The following APP variants were observed in gnomAD, a reference collection of about 807,000 sequenced individuals.
The protein encoded by APP is amyloid-beta precursor protein.
APP carries 31 observed loss-of-function variants against 101.4 expected under a neutral mutation model. That is an observed-to-expected ratio of 0.31 (90% CI 0.23 to 0.41). The LOEUF is 0.41. Ranked by LOEUF, APP falls within the 10% of genes least tolerant of loss-of-function variation. The pLI is 1.00. For synonymous variants in APP, 366 were observed against 364.4 expected (o/e 1.00, Z -0.05); for missense variants, 839 against 1,003.7 (o/e 0.84, Z 2.22).
intron 1 of APP, among the ~76,000 whole-genome samples, chr21:26,114,659 GGA>G (rs1183168057): frequency 6.6e-6 from 1 of 152,020 alleles, no homozygotes; most frequent in Non-Finnish European, 1.5e-5. Context: ...AAAATACACT[GGA>G]TCACCCTACC....
chr21:25,910,855 A>G (rs1012683868), intron 14 of APP, among the ~76,000 whole-genome samples: 2 of 152,222 alleles, frequency 1.3e-5, no homozygotes, highest in African/African-American at 4.8e-5. Flanking sequence ...ATTTAATTCA[A>G]TCTGAAATTT....
intron 6 of APP, among the ~76,000 whole-genome samples, chr21:26,017,166 T>A (rs1601222305): frequency 8.5e-6 from 1 of 117,946 alleles, no homozygotes; most frequent in Admixed American, 1.2e-4. Flanking sequence ...ACCACTACAC[T>A]CCAGCCTGGG....
intron 17 of APP, among the ~76,000 whole-genome samples, chr21:25,890,808 C>T (rs1044351572): frequency 2.0e-5 from 3 of 151,390 alleles, no homozygotes; most frequent in East Asian, 1.9e-4. Flanking sequence ...CCTTCTGTCT[C>T]GGCCTCAGTT....
intron 17 of APP, among the ~76,000 whole-genome samples, chr21:25,890,326 C>T (rs1437410837): frequency 2.6e-5 from 4 of 152,212 alleles, no homozygotes; most frequent in African/African-American, 4.8e-5. Flanking sequence ...GGCTTCACCA[C>T]AAATTTCATT....
At chr21:25,958,020 G>GT (rs771965003) in intron 11 of APP, among the ~76,000 whole-genome samples, 3 of 152,116 alleles carry the variant, frequency 2.0e-5, no homozygotes, top group South Asian at 2.1e-4. Flanking sequence ...AACAAAAACA[G>GT]TAAGAATTGC....
intron 2 of APP, among the ~76,000 whole-genome samples, chr21:26,098,351 T>C (rs2061991897): frequency 6.6e-6 from 1 of 152,018 alleles, no homozygotes; most frequent in Non-Finnish European, 1.5e-5. Flanking sequence ...GTTGGAAATA[T>C]ATTGATCTCA....
chr21:26,003,779 C>A (rs927798765), intron 6 of APP, among the ~76,000 whole-genome samples: 5 of 152,184 alleles, frequency 3.3e-5, no homozygotes, highest in African/African-American at 1.2e-4. Flanking sequence ...CAATTGTCAG[C>A]AACCCTGATT....
At chr21:26,060,666 G>T (rs1303978969) in intron 3 of APP, among the ~76,000 whole-genome samples, 2 of 152,306 alleles carry the variant, frequency 1.3e-5, no homozygotes, top group South Asian at 2.1e-4. Context: ...TAAATAGGGT[G>T]GTCAGGGAAT....
intron 5 of APP, among the ~76,000 whole-genome samples, chr21:26,039,561 A>G (rs1203896663): frequency 6.6e-6 from 1 of 152,262 alleles, no homozygotes; most frequent in Non-Finnish European, 1.5e-5. Context: ...AATCTTTTCC[A>G]GAATTACACA....
chr21:26,054,280 T>C (rs1415878110), intron 3 of APP, among the ~76,000 whole-genome samples: 5 of 135,970 alleles, frequency 3.7e-5, no homozygotes, highest in East Asian at 2.4e-4. Flanking sequence ...GGGAAATGAA[T>C]TGAACTTCCA....
intron 13 of APP, among the ~76,000 whole-genome samples, chr21:25,924,428 GGA>G (rs1491195689): frequency 3.9e-5 from 3 of 76,564 alleles, no homozygotes; most frequent in African/African-American, 1.0e-4. Flanking sequence ...AAAAAAAAAA[GGA>G]AAAAAAAAAA....
chr21:26,135,752 A>G (rs899080548), intron 1 of APP, among the ~76,000 whole-genome samples: 6 of 152,072 alleles, frequency 3.9e-5, no homozygotes, highest in Admixed American at 2.6e-4. Context: ...TATCTCCCCA[A>G]TGTCACCACA....
intron 2 of APP, among the ~76,000 whole-genome samples, chr21:26,092,369 A>T (rs1055419958): frequency 6.6e-6 from 1 of 152,184 alleles, no homozygotes; most frequent in Non-Finnish European, 1.5e-5. Flanking sequence ...CCATGAAAAG[A>T]CATGGAGGAA....
intron 6 of APP, among the ~76,000 whole-genome samples, chr21:26,016,232 C>A (rs918381207): frequency 2.0e-5 from 3 of 152,102 alleles, no homozygotes; most frequent in Non-Finnish European, 2.9e-5. Flanking sequence ...GGGGTTTCAC[C>A]ATGTTGGCCA....
At chr21:26,087,144 C>T (rs763044038) in intron 3 of APP, among the ~76,000 whole-genome samples, 1 of 152,140 alleles carries the variant, frequency 6.6e-6, no homozygotes, top group Non-Finnish European at 1.5e-5. Flanking sequence ...GTTATTTTAT[C>T]AACTCTGTAT....
chr21:25,999,423 T>C (rs999265642), intron 7 of APP, among the ~76,000 whole-genome samples: 6 of 152,228 alleles, frequency 3.9e-5, no homozygotes, highest in Non-Finnish European at 1.5e-5. Context: ...GTCTGTGTGC[T>C]GAGCTCGGAG....
chr21:26,087,734 A>G (rs2061731198), intron 3 of APP, among the ~76,000 whole-genome samples: 1 of 152,218 alleles, frequency 6.6e-6, no homozygotes, highest in Non-Finnish European at 1.5e-5. Context: ...CATAATGGTT[A>G]AAAACATAAG....
At chr21:26,058,577 C>A (rs959915722) in intron 3 of APP, among the ~76,000 whole-genome samples, 4 of 152,154 alleles carry the variant, frequency 2.6e-5, no homozygotes, top group African/African-American at 9.7e-5. Context: ...AGTACTGCAA[C>A]TAAAACCACA....
At chr21:25,916,919 A>C (rs1252624885) in intron 13 of APP, among the ~76,000 whole-genome samples, 1 of 152,212 alleles carries the variant, frequency 6.6e-6, no homozygotes, top group Non-Finnish European at 1.5e-5. Flanking sequence ...AGAGGTATTT[A>C]ATTTCAAATA....
Sources: gnomAD v4.1 joint callset for allele counts (sites outside exome capture counted in the v4.1 genomes callset) on GRCh38, gnomAD v4.1.1 for gene constraint, MANE v1.5 for transcripts, NCBI Gene and HGNC (gene_info 2026-07-23, HGNC 2026-07-21) for gene names.